ATP7A: variants seen among roughly 807,000 people sequenced by gnomAD.
ATP7A encodes the protein copper-transporting ATPase 1.
ATP7A carries 7 observed loss-of-function variants against 83.5 expected under a neutral mutation model. That is an observed-to-expected ratio of 0.08 (90% CI 0.05 to 0.16). The LOEUF (loss-of-function observed/expected upper bound fraction) is 0.16, where lower values mean the gene tolerates loss of function less well. Among genes scored for constraint, ATP7A ranks in the 10% least tolerant of loss-of-function variants. The pLI is 1.00. For synonymous variants in ATP7A, 354 were observed against 395.2 expected, an observed-to-expected ratio of 0.90 and a Z score of 1.24; for missense variants, 940 against 1,120.8, an observed-to-expected ratio of 0.84 and a Z score of 2.30.
At position 77,989,834 on chromosome X, in the gene ATP7A, T is replaced by C. The variant is rs1449119282; in HGVS notation, c.1212T>C (p.Gly404=). 8.3e-7 allele frequency: 1 copy of C among 1,209,495 alleles called. No individual in the cohort carries two copies. The highest frequency in any genetic ancestry group is 1.1e-6 in the Non-Finnish European group (1 of 894,817). The change falls in exon 4 of 23, where the codon GGT becomes GGC. Residue 404 remains glycine (G), a synonymous_variant. Transcript: ENST00000341514. ...SIEGVISKKP[G]VKSIRVSLAN... ...AGGGTGTCATATCAAAAAAGCCAGG[T>C]GTAAAATCCATACGAGTCTCCCTTG...
rs2077983590 is a variant in ATP7A at position 78,031,486 on chromosome X, C to T, written c.3198C>T (p.Asn1066=). ...AAGTAAAGGTTCTAACTGAAAGTAA[C>T]AGAATATCACACCATAAAATCTTGG... ...VNQVKVLTES[N]RISHHKILAI... The change falls in exon 16 of 23, where the codon AAC becomes AAT. Residue 1066 remains asparagine (N), a synonymous_variant. Transcript: ENST00000341514. 2 of 1,208,644 alleles carry T rather than the reference C, an allele frequency of 1.7e-6. No homozygotes were observed. Among genetic ancestry groups the T allele is most frequent in the Non-Finnish European group, 2.2e-6 (2 of 893,920 alleles).
intron 21 of ATP7A, among the ~76,000 whole-genome samples, chrX:78,044,538 C>CT (rs1362520049): frequency 3.6e-5 from 4 of 111,066 alleles, no homozygotes; most frequent in African/African-American, 9.8e-5. Flanking sequence ...TTCCTCTAGT[C>CT]TTTTTTTTAC....
chrX:78,010,249 G>C (rs1169080559), intron 7 of ATP7A, among the ~76,000 whole-genome samples: 1 of 112,138 alleles, frequency 8.9e-6, no homozygotes, highest in Non-Finnish European at 1.9e-5. Flanking sequence ...GTTAAGAGAA[G>C]TTAAGTTACT....
chrX:77,968,446 A>G lies in ATP7A; in HGVS notation c.-21-3175A>G, dbSNP rs782134806. 3.6e-5 allele frequency among the ~76,000 whole-genome samples: 4 copies of G among 112,311 alleles called. No homozygotes were observed. The South Asian group carries it at 1.1e-3, about 31-fold the overall frequency. On this transcript the variant is annotated intron_variant, in intron 1 of 22. Coordinates refer to ENST00000341514, the MANE Select transcript of ATP7A (RefSeq NM_000052.7). ...ACATTCATCTTCCACTGGAATGACT[A>G]GAGCCCCCAGGCAGTGGCCTGACTG...
chrX:78,026,034 G>A lies in ATP7A; in HGVS notation c.2917-3216G>A, dbSNP rs188424797. 2.0e-3 allele frequency among the ~76,000 whole-genome samples: 219 copies of A among 111,742 alleles called. 1 individual carries two copies. The highest frequency in any genetic ancestry group is 6.8e-3 in the African/African-American group (210 of 30,775). ...CCCTATAAAGCAATTACACAATTGA[G>A]ACTACAAAGAAACTAGCAAACACTA... On this transcript the variant is annotated intron_variant, in intron 14 of 22. Coordinates refer to ENST00000341514, the MANE Select transcript of ATP7A (RefSeq NM_000052.7).
At chrX:77,963,014 T>C (rs1187300857) in intron 1 of ATP7A, 4 of 214,262 alleles carry the variant, frequency 1.9e-5, no homozygotes, top group African/African-American at 8.9e-5. Context: ...ATCTTCAGAA[T>C]GAAGTTTTTC....
At chrX:77,930,686 T>G (rs2077267165) in intron 1 of ATP7A, among the ~76,000 whole-genome samples, 2 of 112,085 alleles carry the variant, frequency 1.8e-5, no homozygotes, top group East Asian at 2.8e-4. Context: ...TTCCTCAGTA[T>G]TCCCATCTTT....
intron 1 of ATP7A, among the ~76,000 whole-genome samples, chrX:77,929,322 T>C (rs2077259359): frequency 9.0e-6 from 1 of 111,612 alleles, no homozygotes; most frequent in African/African-American, 3.3e-5. Context: ...ACCCAAAGAA[T>C]TGCTTGAACC....
At position 78,014,729 on chromosome X, in the gene ATP7A, T is replaced by A; in HGVS notation, c.2474T>A (p.Leu825His). The change falls in exon 11 of 23, where the codon CTT (leucine) becomes CAT (histidine). Residue 825 changes from leucine to histidine, a missense_variant. Coordinates refer to ENST00000341514, the MANE Select transcript of ATP7A (RefSeq NM_000052.7). ...LQATEATIVT[L>H]DSDNILLSEE... The stretch of plus-strand genomic sequence containing the variant: ...GCTACAGAAGCAACTATTGTAACTC[T>A]TGATTCTGATAATATCCTCCTCAGG... 8.3e-7 allele frequency: 1 copy of A among 1,202,529 alleles called. No individual in the cohort carries two copies. Among genetic ancestry groups the A allele is most frequent in the Non-Finnish European group, 1.1e-6 (1 of 887,707 alleles).
At chrX:77,996,219 CA>C (rs1379682611) in intron 4 of ATP7A, among the ~76,000 whole-genome samples, 7 of 111,482 alleles carry the variant, frequency 6.3e-5, no homozygotes, top group African/African-American at 2.3e-4. Flanking sequence ...CACATACATA[CA>C]TTTTTTTCTG....
chrX:78,046,486 C>G lies in ATP7A; in HGVS notation c.4419C>G (p.Ser1473=), dbSNP rs782338949. The G allele has an allele frequency of 8.3e-7, 1 of 1,211,062 alleles. No individual in the cohort carries two copies. Among genetic ancestry groups the G allele is most frequent in the South Asian group, 1.8e-5 (1 of 56,955 alleles). Residue 1473 remains serine, a synonymous_variant, in exon 23 of 23, where the codon TCC becomes TCG. Transcript: ENST00000341514. ...ACTCACTACTGTCTGATAAACGCTC[C>G]CTAAACAGTGTTGTTACCAGTGAAC... is the stretch of plus-strand genomic sequence containing the variant. ...SINSLLSDKR[S]LNSVVTSEPD... is the part of the protein sequence containing the mutation.
intron 1 of ATP7A, among the ~76,000 whole-genome samples, chrX:77,912,721 T>C (rs193215038): frequency 1.8e-5 from 2 of 112,515 alleles, no homozygotes; most frequent in African/African-American, 6.4e-5. Context: ...TTTTTAAAAT[T>C]GTTGGGAATG....
chrX:78,019,755 T>A (rs782472111), intron 12 of ATP7A, among the ~76,000 whole-genome samples: 1 of 110,915 alleles, frequency 9.0e-6, no homozygotes, highest in East Asian at 2.8e-4. Flanking sequence ...TGAGCCGCTG[T>A]GCCCAACAAG....
chrX:77,932,403 C>T (rs1340542531), intron 1 of ATP7A, among the ~76,000 whole-genome samples: 3 of 107,120 alleles, frequency 2.8e-5, no homozygotes, highest in Admixed American at 9.8e-5. Flanking sequence ...CGGGCAGAGA[C>T]GCTCCTCACT....
chrX:77,960,861 A>G (rs1160362233), intron 1 of ATP7A, among the ~76,000 whole-genome samples: 1 of 111,884 alleles, frequency 8.9e-6, no homozygotes, highest in African/African-American at 3.2e-5. Context: ...TCCATACTAT[A>G]TGAAACTGTT....
At chrX:78,001,096 T>C (rs1557233088) in intron 5 of ATP7A, among the ~76,000 whole-genome samples, 1 of 112,104 alleles carries the variant, frequency 8.9e-6, no homozygotes, top group Non-Finnish European at 1.9e-5. Flanking sequence ...TTTTCCCTTC[T>C]ATTTCTGTTT....
At chrX:78,038,470 A>G (rs151016300) in intron 17 of ATP7A, among the ~76,000 whole-genome samples, 89 of 111,867 alleles carry the variant, frequency 8.0e-4, no homozygotes, top group African/African-American at 1.6e-3. Context: ...ATGTTCATCT[A>G]GCCACATTCA....
At chrX:77,966,197 G>T (rs942067672) in intron 1 of ATP7A, among the ~76,000 whole-genome samples, 2 of 111,979 alleles carry the variant, frequency 1.8e-5, no homozygotes, top group Non-Finnish European at 3.8e-5. Context: ...GGGAAAACAG[G>T]ACATCCACAT....
chrX:77,961,986 G>C (rs1475348260), intron 1 of ATP7A, among the ~76,000 whole-genome samples: 1 of 112,292 alleles, frequency 8.9e-6, no homozygotes, highest in Non-Finnish European at 1.9e-5. Flanking sequence ...TGGGGGAAAA[G>C]AGATATGGAA....
Sources: gnomAD v4.1 joint callset for allele counts (sites outside exome capture counted in the v4.1 genomes callset) on GRCh38, gnomAD v4.1.1 for gene constraint, MANE v1.5 for transcripts, NCBI Gene and HGNC (gene_info 2026-07-23, HGNC 2026-07-21) for gene names.